Variants in AGBL2 observed in about 807,000 individuals in gnomAD.
AGBL2 encodes cytosolic carboxypeptidase 2.
AGBL2 carries 87 observed loss-of-function variants against 103.0 expected under a neutral mutation model. The ratio of observed to expected loss-of-function variants is 0.84; its 90% CI spans 0.71 to 1.01. The LOEUF (loss-of-function observed/expected upper bound fraction) is 1.01. AGBL2 is among the 50% of genes least tolerant of loss of function. AGBL2 has a pLI of 0.00. For missense variants in AGBL2, 904 were observed against 1,023.5 expected, an observed-to-expected ratio of 0.88 and a Z score of 1.59; for synonymous variants, 335 against 356.7, an observed-to-expected ratio of 0.94 and a Z score of 0.69.
In AGBL2 at chr11:47,714,658, C is replaced by T; in HGVS notation, c.-8G>A. On this transcript the variant is annotated 5_prime_UTR_variant, in exon 2 of 19. Transcript: ENST00000525123. Reference sequence around the variant, plus strand: ...TTCCAAAGCTGGGAACATGTTACTTCTGGATGGTAGGCTGAAAACTAGTCA... The same window carrying T: ...TTCCAAAGCTGGGAACATGTTACTTTTGGATGGTAGGCTGAAAACTAGTCA... 6.2e-7 allele frequency: 1 copy of T among 1,613,928 alleles called. No individual in the cohort carries two copies.
chr11:47,677,455 T>A lies in AGBL2; in HGVS notation c.2017-54A>T, dbSNP rs369338481. 1.4e-5 allele frequency: 16 copies of A among 1,148,962 alleles called. No homozygotes were observed. In the East Asian group the frequency reaches 2.9e-4, roughly 21 times the overall value. The allele number at this position is 1,148,962 out of a possible 1,614,324, so 71.2% of individuals were successfully genotyped here. Reference sequence around the variant, plus strand: ...GTTAATTCATTTTATTTTATTTATTTATTATTATTATTTTTGAGACGGAGT... The same window carrying A: ...GTTAATTCATTTTATTTTATTTATTAATTATTATTATTTTTGAGACGGAGT... On this transcript the variant is annotated intron_variant, in intron 13 of 18. Coordinates refer to ENST00000525123, the MANE Select transcript of AGBL2 (RefSeq NM_024783.4).
chr11:47,706,661 C>A (rs1010876188), intron 4 of AGBL2, among the ~76,000 whole-genome samples: 8 of 152,010 alleles, frequency 5.3e-5, no homozygotes, highest in Admixed American at 4.6e-4. Flanking sequence ...GGGTTGTGGT[C>A]ACTTGAGCCC....
intron 17 of AGBL2, among the ~76,000 whole-genome samples, chr11:47,665,964 G>A (rs898752073): frequency 6.6e-6 from 1 of 152,002 alleles, no homozygotes; most frequent in Non-Finnish European, 1.5e-5. Flanking sequence ...AGCTGAGATC[G>A]CGCCACTGAA....
chr11:47,697,711 A>AT (rs1399105897), intron 8 of AGBL2, among the ~76,000 whole-genome samples: 22 of 145,826 alleles, frequency 1.5e-4, no homozygotes, highest in Admixed American at 4.2e-4. Context: ...ACGCCCGGCT[A>AT]TTTTTTTTGT....
chr11:47,668,770 A>T, intron 15 of AGBL2, 71 bp downstream of exon 15: 1 of 1,233,670 alleles, frequency 8.1e-7, no homozygotes, highest in Non-Finnish European at 1.2e-6. Context: ...GGAAAATTCC[A>T]ACAAATTGTC....
chr11:47,676,832 A>T (rs1188356113), intron 14 of AGBL2, among the ~76,000 whole-genome samples: 1 of 151,546 alleles, frequency 6.6e-6, no homozygotes. Context: ...AAAAAAAAAA[A>T]AAGAAACTAA....
intron 9 of AGBL2, 43 bp downstream of exon 9, chr11:47,692,060 C>A: frequency 6.4e-7 from 1 of 1,561,314 alleles, no homozygotes; most frequent in South Asian, 1.2e-5. Context: ...AAGACACCTT[C>A]TAGTCACTCC....
At chr11:47,668,066 G>A (rs148438066) in intron 15 of AGBL2, among the ~76,000 whole-genome samples, 4 of 152,004 alleles carry the variant, frequency 2.6e-5, no homozygotes, top group Non-Finnish European at 5.9e-5. Context: ...AAAATTAGCC[G>A]GGTGAGGTGG....
intron 8 of AGBL2, among the ~76,000 whole-genome samples, chr11:47,697,481 G>T (rs956487971): frequency 1.4e-5 from 2 of 146,666 alleles, no homozygotes; most frequent in African/African-American, 5.1e-5. Flanking sequence ...CTTATGATCC[G>T]CCCACCTTGG....
chr11:47,660,288 T>C lies in AGBL2; in HGVS notation c.2594A>G (p.Gln865Arg). 1 of 1,614,234 alleles carries C rather than the reference T, an allele frequency of 6.2e-7. No individual in the cohort carries two copies. Among genetic ancestry groups the C allele is most frequent in the Non-Finnish European group, 8.5e-7 (1 of 1,180,036 alleles). Residue 865 changes from glutamine (Q) to arginine (R), a missense_variant, in exon 19 of 19, where the codon CAA becomes CGA. Coordinates refer to ENST00000525123, the MANE Select transcript of AGBL2 (RefSeq NM_024783.4). ...TGGCTTCATACCTGGAGCTGGCTCT[T>C]GGCTGGAGTTTATGGTTCTCTTTGG... ...CSPKRTINSS[Q>R]EPAPGMKPNW...
intron 8 of AGBL2, among the ~76,000 whole-genome samples, chr11:47,698,374 G>C (rs2097485089): frequency 6.6e-6 from 1 of 151,870 alleles, no homozygotes; most frequent in Admixed American, 6.6e-5. Context: ...GTTTCTCCAT[G>C]TTGGTCAGGC....
At chr11:47,682,391 T>C (rs3758655) in intron 11 of AGBL2, among the ~76,000 whole-genome samples, 53,362 of 152,016 alleles carry the variant, frequency 0.35, 10,588 homozygotes, top group South Asian at 0.52. Context: ...GAGAGTATAT[T>C]TGCAATATGT....
At chr11:47,691,048 G>T (rs1412766820) in intron 9 of AGBL2, among the ~76,000 whole-genome samples, 190 bp from the exon 10 acceptor site, 3 of 149,280 alleles carry the variant, frequency 2.0e-5, no homozygotes, top group South Asian at 2.1e-4. Context: ...GAGGTCAGGA[G>T]TTCAAGACCA....
chr11:47,690,455 G>A lies in AGBL2; in HGVS notation c.1252C>T (p.Gln418Ter). The A allele has an allele frequency of 6.2e-7, 1 of 1,614,164 alleles. No individual in the cohort carries two copies. Among genetic ancestry groups the A allele is most frequent in the South Asian group, 1.1e-5 (1 of 91,084 alleles). Residue 418 changes from glutamine to a stop codon, truncating the protein, a stop_gained, in exon 10 of 19, where the codon CAG (glutamine) becomes TAG (stop). Coordinates refer to ENST00000525123, the MANE Select transcript of AGBL2 (RefSeq NM_024783.4). LOFTEE classifies it high-confidence loss of function. ...LSVANNPIQSQFCKLQTLCRS... is the reference protein window; with the variant it reads ...LSVANNPIQS ...CATAAAGTTTGGAGCTTGCAGAACT[G>A]AGACTGGATAGGGTTGTTTGCCACT...
intron 3 of AGBL2, among the ~76,000 whole-genome samples, chr11:47,712,202 C>G (rs939347991): frequency 4.6e-5 from 7 of 152,110 alleles, no homozygotes; most frequent in Admixed American, 2.0e-4. Flanking sequence ...GAAGTCTGTT[C>G]TGAATGACAG....
intron 4 of AGBL2, among the ~76,000 whole-genome samples, chr11:47,706,630 A>G (rs530392997): frequency 5.7e-4 from 87 of 152,304 alleles, no homozygotes; most frequent in African/African-American, 1.5e-3. Flanking sequence ...CACCTAGTCC[A>G]GAGGCTGCAG....
rs766227808 is a variant in AGBL2, at chr11:47,692,083, T to C, written c.848+20A>G. 2 of 1,602,174 alleles carry C rather than the reference T, an allele frequency of 1.2e-6. No individual in the cohort carries two copies. The highest frequency in any genetic ancestry group is 8.5e-7 in the Non-Finnish European group (1 of 1,171,470). On this transcript the variant is annotated intron_variant, in intron 9 of 18. Transcript: ENST00000525123. ...TTCTAGTCACTCCAATTATCATCCC[T>C]TTGAGAAATTGTTACTCACACTCTG...
chr11:47,696,037 G>GA (rs71045503), intron 8 of AGBL2, among the ~76,000 whole-genome samples: 76,775 of 88,886 alleles, frequency 0.86, 32,820 homozygotes, highest in Admixed American at 0.9. Flanking sequence ...AAAAAAAAAA[G>GA]AAAAAAAAAA....
In AGBL2 at chr11:47,666,977, AT is replaced by A; in HGVS notation, c.2426del (p.Asn809MetfsTer6). 2.5e-6 allele frequency: 4 copies of A among 1,613,210 alleles called. No homozygotes were observed. Among genetic ancestry groups the A allele is most frequent in the Non-Finnish European group, 3.4e-6 (4 of 1,179,552 alleles). On this transcript the variant is annotated frameshift_variant, in exon 17 of 19. Transcript: ENST00000525123. LOFTEE classifies it high-confidence loss of function. The part of the protein sequence containing the change: ...SENSSFLPMK[N>X]ENPRLNETNL... ...CTACCTCATTTAACCTTGGGTTTTC[AT>A]TTTTCATTGGTAAAAAACTGGAATT... is the stretch of plus-strand genomic sequence containing the variant.
Sources: allele counts gnomAD v4.1 joint callset (sites outside exome capture counted in the v4.1 genomes callset), GRCh38; gene constraint gnomAD v4.1.1; transcripts MANE v1.5; gene names NCBI Gene and HGNC (gene_info 2026-07-23, HGNC 2026-07-21).